Variants in GALNT14 observed in about 807,000 individuals in gnomAD.
The protein encoded by GALNT14 is polypeptide N-acetylgalactosaminyltransferase 14, also known as UDP-GalNAc:polypeptide N-acetylgalactosaminyltransferase 14.
Under a neutral mutation model 77.5 loss-of-function variants are expected in GALNT14, and 60 were observed. That is an observed-to-expected ratio of 0.77 (90% CI 0.63 to 0.96). The LOEUF (loss-of-function observed/expected upper bound fraction) is 0.96, where lower values mean the gene tolerates loss of function less well. Ranked by LOEUF, GALNT14 falls within the 40% of genes least tolerant of loss-of-function variation. The pLI is 0.00. For synonymous variants in GALNT14, 280 were observed against 281.7 expected (o/e 0.99, Z 0.06); for missense variants, 710 against 731.0 (o/e 0.97, Z 0.33).
chr2:31,057,045 G>T (rs184181620), intron 1 of GALNT14, among the ~76,000 whole-genome samples: 1 of 152,178 alleles, frequency 6.6e-6, no homozygotes, highest in South Asian at 2.1e-4. Flanking sequence ...AATCAAATCT[G>T]CATGTTCTCA....
the GALNT14 span, among the ~76,000 whole-genome samples, chr2:30,897,654 C>T: frequency 0.028 from 4,234 of 152,268 alleles, 213 homozygotes; most frequent in African/African-American, 0.096. Flanking sequence ...TCTTCGGCAA[C>T]GCACACACAC....
intron 1 of GALNT14, among the ~76,000 whole-genome samples, chr2:31,058,526 A>C (rs1674381764): frequency 6.6e-6 from 1 of 151,474 alleles, no homozygotes; most frequent in Non-Finnish European, 1.5e-5. Flanking sequence ...GGACTCCAAG[A>C]CCTCTGCCCA....
chr2:31,132,559 C>G, intron 1 of GALNT14: 1 of 378,000 alleles, frequency 2.6e-6, no homozygotes, highest in Middle Eastern at 5.6e-4. Flanking sequence ...TCTGGTCATG[C>G]CAGAGTCACA....
At chr2:31,075,839 A>G (rs544499528) in intron 1 of GALNT14, among the ~76,000 whole-genome samples, 1 of 152,346 alleles carries the variant, frequency 6.6e-6, no homozygotes, top group East Asian at 1.9e-4. Context: ...GACTCTGGGA[A>G]GTTCTACAGA....
intron 1 of GALNT14, among the ~76,000 whole-genome samples, chr2:31,067,165 G>C (rs1675027049): frequency 6.6e-6 from 1 of 152,144 alleles, no homozygotes; most frequent in Non-Finnish European, 1.5e-5. Flanking sequence ...CCCTGGCCTT[G>C]GTCCCCTTAT....
At chr2:31,055,720 C>A (rs1420462239) in intron 1 of GALNT14, among the ~76,000 whole-genome samples, 2 of 152,164 alleles carry the variant, frequency 1.3e-5, no homozygotes, top group Non-Finnish European at 2.9e-5. Flanking sequence ...AAGGACTGAA[C>A]AGTGGAAACG....
intron 6 of GALNT14, among the ~76,000 whole-genome samples, chr2:30,948,651 G>A (rs115888801): frequency 6.6e-6 from 1 of 152,174 alleles, no homozygotes; most frequent in Admixed American, 6.5e-5. Flanking sequence ...ACAACTGGAA[G>A]CTTGTGCCTG....
At chr2:31,031,655 A>G (rs558454301) in intron 1 of GALNT14, among the ~76,000 whole-genome samples, 2 of 152,282 alleles carry the variant, frequency 1.3e-5, no homozygotes, top group African/African-American at 4.8e-5. Flanking sequence ...CATTCACAAC[A>G]CTGATCTATC....
At chr2:30,906,319 C>T (rs1490591516), downstream of GALNT14, among the ~76,000 whole-genome samples, 14 of 150,538 alleles carry the variant, frequency 9.3e-5, no homozygotes, top group South Asian at 6.5e-4. Context: ...ACCCATCTCA[C>T]GTGCAGAGAC....
At chr2:30,951,736 C>T (rs1192014949) in intron 6 of GALNT14, among the ~76,000 whole-genome samples, 1 of 152,192 alleles carries the variant, frequency 6.6e-6, no homozygotes, top group Non-Finnish European at 1.5e-5. Context: ...GGACTGAGTC[C>T]ACTGCTGTGA....
intron 1 of GALNT14, among the ~76,000 whole-genome samples, chr2:31,032,766 C>T (rs1461041688): frequency 6.6e-6 from 1 of 152,152 alleles, no homozygotes; most frequent in Admixed American, 6.5e-5. Context: ...GCTGAGTGAT[C>T]ACGGGTCTAC....
At chr2:31,025,371 C>T (rs1042540043) in intron 1 of GALNT14, among the ~76,000 whole-genome samples, 1 of 152,148 alleles carries the variant, frequency 6.6e-6, no homozygotes, top group Non-Finnish European at 1.5e-5. Context: ...AAGGTGCCCA[C>T]CCATCACCAA....
intron 6 of GALNT14, among the ~76,000 whole-genome samples, chr2:30,953,974 T>C (rs961251353): frequency 2.6e-5 from 4 of 151,992 alleles, no homozygotes; most frequent in African/African-American, 9.7e-5. Flanking sequence ...CCCCACTGGA[T>C]TTGTAAGCTA....
At chr2:30,982,006 G>A (rs951643668) in intron 2 of GALNT14, among the ~76,000 whole-genome samples, 1 of 152,184 alleles carries the variant, frequency 6.6e-6, no homozygotes, top group African/African-American at 2.4e-5. Flanking sequence ...TTACTGAGGG[G>A]GGAACTGACA....
At chr2:30,934,347 TC>T (rs1183448864) in intron 9 of GALNT14, among the ~76,000 whole-genome samples, 1 of 152,112 alleles carries the variant, frequency 6.6e-6, no homozygotes, top group South Asian at 2.1e-4. Context: ...CAGGGCCTGC[TC>T]CAGTTCCCAA....
chr2:31,000,504 T>G (rs919009031), intron 1 of GALNT14, among the ~76,000 whole-genome samples: 1 of 149,610 alleles, frequency 6.7e-6, no homozygotes, highest in Non-Finnish European at 1.5e-5. Flanking sequence ...ACAGATTGAT[T>G]GATTGGCTGA....
chr2:31,027,396 A>G (rs1672130231), intron 1 of GALNT14, among the ~76,000 whole-genome samples: 1 of 151,606 alleles, frequency 6.6e-6, no homozygotes, highest in African/African-American at 2.4e-5. Flanking sequence ...CAGCCTAGGC[A>G]ACAAGAGCAA....
chr2:31,057,294 T>G (rs1482411595), intron 1 of GALNT14, among the ~76,000 whole-genome samples: 5 of 30,064 alleles, frequency 1.7e-4, no homozygotes, highest in African/African-American at 8.3e-4. Context: ...AAGTTGAAAT[T>G]ATATATATAT....
chr2:31,102,175 C>A (rs970637296), intron 1 of GALNT14, among the ~76,000 whole-genome samples: 1 of 36,182 alleles, frequency 2.8e-5, no homozygotes, highest in Non-Finnish European at 6.8e-5. Context: ...TCATTAATCT[C>A]TTTTATTTAT....
Sources: allele counts gnomAD v4.1 joint callset (sites outside exome capture counted in the v4.1 genomes callset), GRCh38; gene constraint gnomAD v4.1.1; transcripts MANE v1.5; gene names NCBI Gene and HGNC (gene_info 2026-07-23, HGNC 2026-07-21).